Variants in C12orf42 observed in about 807,000 individuals in gnomAD.
C12orf42 encodes uncharacterized protein C12orf42.
A neutral mutation model predicts 21.6 loss-of-function variants in C12orf42; 25 were observed. The observed-to-expected ratio is 1.16, with a 90% confidence interval of 0.84 to 1.62. C12orf42 has a LOEUF of 1.62. Among genes scored for constraint, C12orf42 ranks in the 40% most tolerant of loss-of-function variants. The pLI, the probability that C12orf42 is intolerant of heterozygous loss-of-function variation, is 0.00. For synonymous variants in C12orf42, 174 were observed against 175.0 expected (o/e 0.99, Z 0.05); for missense variants, 483 against 459.3 (o/e 1.05, Z -0.47).
chr12:103,431,907 T>C (rs1320500712), intron 2 of C12orf42, among the ~76,000 whole-genome samples: 1 of 152,156 alleles, frequency 6.6e-6, no homozygotes, highest in Non-Finnish European at 1.5e-5. Context: ...AGGCAGGCTT[T>C]AGAGCAGGAG....
the C12orf42 span, among the ~76,000 whole-genome samples, chr12:103,116,482 C>A: frequency 2.0e-5 from 3 of 151,354 alleles, no homozygotes; most frequent in African/African-American, 7.3e-5. Context: ...AGATTCCTGG[C>A]CAATCTTAGT....
intron 4 of C12orf42, among the ~76,000 whole-genome samples, chr12:103,312,708 T>C (rs901205877): frequency 6.6e-6 from 1 of 152,242 alleles, no homozygotes; most frequent in African/African-American, 2.4e-5. Context: ...TCTTTTAATG[T>C]GTAAGCATCT....
At chr12:103,298,626 G>A (rs753801336), downstream of C12orf42, among the ~76,000 whole-genome samples, 19 of 151,858 alleles carry the variant, frequency 1.3e-4, no homozygotes, top group Admixed American at 3.9e-4. Context: ...ATTTAACAGC[G>A]AAGACACTCT....
chr12:103,146,560 A>AAAAGAAAGAAAGAAAGAATG, the C12orf42 span, among the ~76,000 whole-genome samples: 10,882 of 119,934 alleles, frequency 0.091, 541 homozygotes, highest in East Asian at 0.13. Context: ...ATAAAGAAAG[A>AAAAGAAAGAAAGAAAGAATG]AAAGAAAGAA....
At chr12:103,413,082 T>C (rs1489609299) in intron 2 of C12orf42, among the ~76,000 whole-genome samples, 3 of 152,218 alleles carry the variant, frequency 2.0e-5, no homozygotes, top group South Asian at 2.1e-4. Context: ...TGGATTTTTA[T>C]GGTTTGAGCT....
the C12orf42 span, among the ~76,000 whole-genome samples, chr12:103,136,239 T>C: frequency 6.6e-6 from 1 of 152,172 alleles, no homozygotes. Flanking sequence ...GTAGCATTTC[T>C]ATGCACCAAT....
chr12:103,378,880 A>G (rs978600733), intron 3 of C12orf42: 3 of 152,226 alleles, frequency 2.0e-5, no homozygotes, highest in East Asian at 3.8e-4. Context: ...AGAAGTGGAA[A>G]GCAAATGAAT....
At chr12:103,221,649 T>A in the C12orf42 span, among the ~76,000 whole-genome samples, 1 of 152,222 alleles carries the variant, frequency 6.6e-6, no homozygotes, top group Non-Finnish European at 1.5e-5. Context: ...TTAAGCATCA[T>A]GATACAGAGA....
chr12:103,308,231 A>G (rs970507390), intron 4 of C12orf42, among the ~76,000 whole-genome samples: 1 of 152,246 alleles, frequency 6.6e-6, no homozygotes, highest in African/African-American at 2.4e-5. Context: ...TGAACATTAT[A>G]TAGTATACTA....
the C12orf42 span, among the ~76,000 whole-genome samples, chr12:103,116,342 CAA>C: frequency 7.0e-6 from 1 of 142,596 alleles, no homozygotes; most frequent in Non-Finnish European, 1.5e-5. Context: ...CCAGCCTGGG[CAA>C]CAAGAGTAAA....
intron 4 of C12orf42, among the ~76,000 whole-genome samples, chr12:103,353,019 C>T (rs555789932): frequency 6.6e-6 from 1 of 152,236 alleles, no homozygotes; most frequent in East Asian, 1.9e-4. Context: ...AACCAAGGCC[C>T]TAATCACCAT....
intron 2 of C12orf42, among the ~76,000 whole-genome samples, chr12:103,425,011 C>T (rs544038306): frequency 7.9e-5 from 12 of 152,216 alleles, no homozygotes; most frequent in African/African-American, 2.6e-4. Flanking sequence ...GAGGGGTGTC[C>T]GTCATTACTG....
chr12:103,257,517 T>C (rs988914551), intron 10 of C12orf42, among the ~76,000 whole-genome samples: 2 of 151,940 alleles, frequency 1.3e-5, no homozygotes, highest in African/African-American at 4.8e-5. Context: ...GAAGAAGCAA[T>C]AAAAATCAGA....
the C12orf42 span, among the ~76,000 whole-genome samples, chr12:103,070,637 C>T: frequency 6.6e-6 from 1 of 151,934 alleles, no homozygotes; most frequent in Non-Finnish European, 1.5e-5. Context: ...CTCATACGAC[C>T]ACAAATTGTT....
the C12orf42 span, among the ~76,000 whole-genome samples, chr12:103,089,997 A>G: frequency 2.6e-5 from 4 of 152,332 alleles, no homozygotes; most frequent in South Asian, 2.1e-4. Flanking sequence ...CACACACTGT[A>G]TTAGAACCCA....
At chr12:103,424,906 C>A (rs1267384459) in intron 2 of C12orf42, among the ~76,000 whole-genome samples, 2 of 152,158 alleles carry the variant, frequency 1.3e-5, no homozygotes, top group Non-Finnish European at 2.9e-5. Flanking sequence ...GATCCCACCC[C>A]CATGGAAAGC....
intron 2 of C12orf42, among the ~76,000 whole-genome samples, chr12:103,454,672 A>G (rs1952171134): frequency 6.6e-6 from 1 of 152,140 alleles, no homozygotes. Flanking sequence ...TTCTGCTTCT[A>G]CTGTCTTGCT....
At chr12:103,301,857 C>T (rs566872163), downstream of C12orf42, 29 of 480,364 alleles carry the variant, frequency 6.0e-5, no homozygotes, top group South Asian at 8.7e-4. Flanking sequence ...TACCCCATCC[C>T]TATTGTGAGG....
At chr12:103,420,515 C>T (rs985129136) in intron 2 of C12orf42, among the ~76,000 whole-genome samples, 2 of 152,122 alleles carry the variant, frequency 1.3e-5, no homozygotes, top group Non-Finnish European at 2.9e-5. Context: ...CTAATGCAAA[C>T]TCTCTAAGGC....
Sources: allele counts gnomAD v4.1 joint callset (sites outside exome capture counted in the v4.1 genomes callset), GRCh38; gene constraint gnomAD v4.1.1; transcripts MANE v1.5; gene names NCBI Gene and HGNC (gene_info 2026-07-23, HGNC 2026-07-21).